Variants in ADD1 observed in about 807,000 individuals in gnomAD.
ADD1 encodes alpha-adducin.
ADD1 carries 24 observed loss-of-function variants against 80.5 expected under a neutral mutation model. That is an observed-to-expected ratio of 0.30 (90% CI 0.22 to 0.42). The LOEUF is 0.42. Ranked by LOEUF, ADD1 falls within the 10% of genes least tolerant of loss-of-function variation. The pLI is 1.00. For missense variants in ADD1, 948 were observed against 1,019.0 expected (o/e 0.93, Z 0.95); for synonymous variants, 373 against 393.8 (o/e 0.95, Z 0.63).
chr4:2,907,253 A>G (rs912698020), intron 10 of ADD1: 13 of 154,924 alleles, frequency 8.4e-5, no homozygotes, highest in Admixed American at 6.3e-4. Context: ...TGATGCTGTC[A>G]TTTACTTTAA....
intron 8 of ADD1, 110 bp downstream of exon 8, chr4:2,898,641 C>T: frequency 1.1e-6 from 1 of 936,306 alleles, no homozygotes; most frequent in Non-Finnish European, 1.7e-6. Flanking sequence ...TGAGCAATCT[C>T]TTTGCCAAAG....
chr4:2,844,923 A>T (rs1046199414), intron 1 of ADD1: 2 of 152,188 alleles, frequency 1.3e-5, no homozygotes, highest in African/African-American at 4.8e-5. Flanking sequence ...GACTGTGTCT[A>T]TGAGTAGAGG....
chr4:2,871,319 G>A lies in ADD1; in HGVS notation c.-20-4577G>A, dbSNP rs183212012. ...GCACATGCCATCCAATTTACCTGTC[G>A]ATCATACCATTGTATAAAGCAGCAG... is the stretch of plus-strand genomic sequence containing the variant. On this transcript the variant is annotated intron_variant, in intron 1 of 15. Transcript: ENST00000683351. 1.1e-3 allele frequency among the ~76,000 whole-genome samples: 174 copies of A among 152,158 alleles called. 1 individual carries two copies. The highest frequency in any genetic ancestry group is 3.7e-3 in the Admixed American group (56 of 15,274).
At chr4:2,909,682 C>T (rs1056040875) in intron 13 of ADD1, among the ~76,000 whole-genome samples, 6 of 152,066 alleles carry the variant, frequency 3.9e-5, no homozygotes, top group African/African-American at 9.7e-5. Flanking sequence ...GTCTGAGCAA[C>T]GTGGTGCATT....
chr4:2,906,505 ATTAGCTTGCAAAACAACTAAG>A (rs1238815813), intron 10 of ADD1, among the ~76,000 whole-genome samples: 1 of 152,190 alleles, frequency 6.6e-6, no homozygotes, highest in Non-Finnish European at 1.5e-5. Flanking sequence ...TTTATTTACC[ATTAGCTTGCAAAACAACTAAG>A]TCACTTTAGG....
Position 2,882,017 on chromosome 4 carries a change from C to G in ADD1, c.315C>G (p.Val105=). The change falls in exon 3 of 16, where the codon GTC becomes GTG. Residue 105 remains valine, a synonymous_variant. Coordinates refer to ENST00000683351, the MANE Select transcript of ADD1 (RefSeq NM_001354761.2). The stretch of plus-strand genomic sequence containing the variant: ...TTATGACCACGAATGTACCAAATGT[C>G]TACCCAGCAGCTCCGCAAGGAGGGA... The part of the protein sequence containing the change: ...ADFMTTNVPN[V]YPAAPQGGMA... The G allele has an allele frequency of 3.1e-6, 5 of 1,613,234 alleles. No individual in the cohort carries two copies. The highest frequency in any genetic ancestry group is 4.2e-6 in the Non-Finnish European group (5 of 1,179,808).
At chr4:2,848,012 C>T (rs1010448628) in intron 1 of ADD1, among the ~76,000 whole-genome samples, 3 of 152,024 alleles carry the variant, frequency 2.0e-5, no homozygotes, top group Non-Finnish European at 4.4e-5. Flanking sequence ...ATCAGGAGTT[C>T]GAGGCCAGCC....
intron 1 of ADD1, among the ~76,000 whole-genome samples, chr4:2,871,236 G>A (rs550439598): frequency 2.0e-4 from 30 of 152,006 alleles, no homozygotes; most frequent in Non-Finnish European, 3.4e-4. Flanking sequence ...CTCCCAAAGT[G>A]CTGTGATTAC....
chr4:2,925,157 C>T (rs1367066657), intron 14 of ADD1, among the ~76,000 whole-genome samples: 1 of 152,152 alleles, frequency 6.6e-6, no homozygotes, highest in Non-Finnish European at 1.5e-5. Flanking sequence ...CAGAGGTCAG[C>T]ACCTTTTCCC....
At chr4:2,918,999 C>A (rs1739552331) in intron 14 of ADD1, among the ~76,000 whole-genome samples, 1 of 152,140 alleles carries the variant, frequency 6.6e-6, no homozygotes, top group South Asian at 2.1e-4. Context: ...CGCCACCACA[C>A]CCGGTTAATT....
rs1458166929 is a variant in ADD1, at chr4:2,907,734, A to G, written c.1507-9A>G. 1.1e-5 allele frequency: 18 copies of G among 1,607,374 alleles called. No homozygotes were observed. The highest frequency in any genetic ancestry group is 1.5e-5 in the Non-Finnish European group (18 of 1,174,022). On this transcript the variant is annotated splice_polypyrimidine_tract_variant and intron_variant, in intron 10 of 15. Transcript: ENST00000683351. ...AATTCTGACTTTTCAACTGTTCTTG[A>G]TATTACAGTGGACTAAAGAGGATGG...
intron 4 of ADD1, among the ~76,000 whole-genome samples, chr4:2,889,352 A>G (rs1645809162): frequency 1.3e-5 from 2 of 152,188 alleles, no homozygotes; most frequent in African/African-American, 4.8e-5. Context: ...CAGTGAATTA[A>G]AGATTAAATG....
At chr4:2,908,799 G>T in intron 12 of ADD1, 195 bp downstream of exon 12, 2 of 599,994 alleles carry the variant, frequency 3.3e-6, no homozygotes, top group South Asian at 3.9e-5. Context: ...GCATGCTGAG[G>T]GCTGTGTCCA....
chr4:2,846,256 T>A (rs1234521633), intron 1 of ADD1, among the ~76,000 whole-genome samples: 2 of 152,248 alleles, frequency 1.3e-5, no homozygotes, highest in East Asian at 3.8e-4. Context: ...TTGTAATTTA[T>A]TTATGGATGA....
At chr4:2,855,968 G>C (rs139405276) in intron 1 of ADD1, among the ~76,000 whole-genome samples, 2,614 of 151,254 alleles carry the variant, frequency 0.017, 55 homozygotes, top group African/African-American at 0.045. Flanking sequence ...CAGAGTGCTA[G>C]GATTACAGGC....
At position 2,926,748 on chromosome 4, in the gene ADD1, T is replaced by C; in HGVS notation, c.2047+636T>C. The C allele has an allele frequency of 5.3e-6, 8 of 1,502,948 alleles. No individual in the cohort carries two copies. The highest frequency in any genetic ancestry group is 7.3e-6 in the Non-Finnish European group (8 of 1,094,966). 93.1% of individuals were successfully genotyped at this position (1,502,948 alleles called of 1,614,324 possible). A position where few individuals can be genotyped will look rare whatever the true frequency, so the allele number is the denominator to read the frequency against. On this transcript the variant is annotated intron_variant, in intron 15 of 15. Transcript: ENST00000683351. The surrounding 1 kb of genome is among the most constrained non-coding windows in gnomAD (Gnocchi z 5.0). ...CTCATTCTCCTGCTTCTTTGTTGTT[T>C]ATTAAGTTTTGTTTTCTGTTTATTT...
At chr4:2,873,093 A>G (rs1332991329) in intron 1 of ADD1, among the ~76,000 whole-genome samples, 1 of 152,026 alleles carries the variant, frequency 6.6e-6, no homozygotes, top group Non-Finnish European at 1.5e-5. Context: ...CCCAGGTTGA[A>G]GTAATTCTTG....
intron 1 of ADD1, among the ~76,000 whole-genome samples, chr4:2,875,621 A>T (rs1048640215): frequency 1.3e-5 from 2 of 152,240 alleles, no homozygotes; most frequent in Non-Finnish European, 2.9e-5. Flanking sequence ...GATTTGTCAG[A>T]GGACTTAATT....
chr4:2,849,149 A>C (rs918084673), intron 1 of ADD1, among the ~76,000 whole-genome samples: 1 of 152,224 alleles, frequency 6.6e-6, no homozygotes, highest in Non-Finnish European at 1.5e-5. Flanking sequence ...TGGACACTAA[A>C]GTAACAATAG....
Sources: gnomAD v4.1 joint callset for allele counts (sites outside exome capture counted in the v4.1 genomes callset) on GRCh38, gnomAD v4.1.1 for gene constraint, Gnocchi (gnomAD v3.1) non-coding constraint, MANE v1.5 for transcripts, NCBI Gene and HGNC (gene_info 2026-07-23, HGNC 2026-07-21) for gene names.